The following CTTN variants were observed in gnomAD, a reference collection of about 807,000 sequenced individuals.
The protein encoded by CTTN is cortactin, also known as src substrate cortactin.
In CTTN, 28 loss-of-function variants were observed where a neutral mutation model predicts 84.0. That is an observed-to-expected ratio of 0.33 (90% CI 0.25 to 0.46). CTTN has a LOEUF of 0.46. Among genes scored for constraint, CTTN ranks in the 20% least tolerant of loss-of-function variants. CTTN has a pLI of 1.00. For missense variants in CTTN, 641 were observed against 723.8 expected (o/e 0.89, Z 1.31); for synonymous variants, 301 against 288.8 (o/e 1.04, Z -0.43).
intron 4 of CTTN, 45 bp downstream of exon 4, chr11:70,407,636 G>A: frequency 6.3e-7 from 1 of 1,583,716 alleles, no homozygotes; most frequent in Non-Finnish European, 8.6e-7. Context: ...CTCTGCGGAT[G>A]GAGCCCCAGG....
chr11:70,420,057 C>T (rs1352488865), intron 9 of CTTN: 2 of 608,032 alleles, frequency 3.3e-6, no homozygotes, highest in South Asian at 2.1e-5. Flanking sequence ...TATGGCGCTC[C>T]AGCCCCAGCG....
intron 13 of CTTN, among the ~76,000 whole-genome samples, chr11:70,426,650 T>C (rs2058304325): frequency 6.6e-6 from 1 of 150,430 alleles, no homozygotes; most frequent in Non-Finnish European, 1.5e-5. Context: ...TGGCGCGGAC[T>C]CGGCTCACTG....
Position 70,433,683 on chromosome 11 carries a change from G to A in CTTN, c.1481G>A (p.Gly494Glu), listed in dbSNP as rs574120746. ...TACGATGAGTACGAGAACGATCTGG[G>A]GATCACAGCCGTCGCCCTGTACGAC... ...STYDEYENDL[G>E]ITAVALYDYQ... The change falls in exon 17 of 18, where the codon GGG (glycine) becomes GAG (glutamate). Residue 494 changes from glycine to glutamate, a missense_variant. Coordinates refer to ENST00000301843, the MANE Select transcript of CTTN (RefSeq NM_005231.4). The A allele has an allele frequency of 2.0e-5, 32 of 1,613,934 alleles. 1 individual carries two copies. The South Asian group carries it at 3.5e-4, about 18-fold the overall frequency.
At chr11:70,400,486 C>A in intron 1 of CTTN, among the ~76,000 whole-genome samples, 1 of 152,042 alleles carries the variant, frequency 6.6e-6, no homozygotes, top group South Asian at 2.1e-4. Flanking sequence ...AGAGGCTCTT[C>A]ACAGGTGCCA....
chr11:70,425,767 G>A (rs2058293683), intron 13 of CTTN, among the ~76,000 whole-genome samples: 1 of 152,200 alleles, frequency 6.6e-6, no homozygotes, highest in Non-Finnish European at 1.5e-5. Context: ...GTGACAGGAG[G>A]AAGACATCAT....
intron 13 of CTTN, among the ~76,000 whole-genome samples, 161 bp from the exon 14 acceptor site, chr11:70,428,890 G>A (rs563034824): frequency 4.6e-5 from 7 of 152,314 alleles, no homozygotes; most frequent in South Asian, 2.1e-4. Context: ...TGCTGGCTCC[G>A]GACCAGTGGG....
chr11:70,425,861 T>C (rs2058294740), intron 13 of CTTN, among the ~76,000 whole-genome samples: 1 of 152,230 alleles, frequency 6.6e-6, no homozygotes, highest in Non-Finnish European at 1.5e-5. Context: ...CCTGTCCTTT[T>C]CTGTGCTGGA....
At chr11:70,424,375 G>T (rs1421718345) in intron 12 of CTTN, among the ~76,000 whole-genome samples, 1 of 152,158 alleles carries the variant, frequency 6.6e-6, no homozygotes, top group South Asian at 2.1e-4. Flanking sequence ...GAGGCAGTGT[G>T]TGGGTGTGGC....
At chr11:70,432,873 C>A (rs181359495) in intron 15 of CTTN, among the ~76,000 whole-genome samples, 127 of 152,226 alleles carry the variant, frequency 8.3e-4, no homozygotes, top group African/African-American at 3.0e-3. Context: ...ACTGGAGTGT[C>A]GGTGGTGAGG....
Position 70,435,381 on chromosome 11 carries a change from C to T in CTTN, c.*219C>T. On this transcript the variant is annotated 3_prime_UTR_variant, in exon 18 of 18. Transcript: ENST00000301843. ...AGAATTTGCTAATATATTGTAATCACATTCCTTAGGAGGACTTTGGTAATT... is the reference window on the plus strand; with the variant it reads ...AGAATTTGCTAATATATTGTAATCATATTCCTTAGGAGGACTTTGGTAATT... 1.4e-6 allele frequency: 2 copies of T among 1,456,830 alleles called. No homozygotes were observed. Among genetic ancestry groups the T allele is most frequent in the Non-Finnish European group, 1.8e-6 (2 of 1,110,158 alleles). The allele number at this position is 1,456,830 out of a possible 1,614,324, so 90.2% of individuals were successfully genotyped here. A position where few individuals can be genotyped will look rare whatever the true frequency, so the allele number is the denominator to read the frequency against.
chr11:70,416,530 C>G (rs2058163305), intron 7 of CTTN, among the ~76,000 whole-genome samples: 1 of 152,192 alleles, frequency 6.6e-6, no homozygotes, highest in Non-Finnish European at 1.5e-5. Flanking sequence ...CTCCTGGGTT[C>G]AAACGATTCT....
At chr11:70,401,242 G>A (rs967452324) in intron 1 of CTTN, among the ~76,000 whole-genome samples, 1 of 151,876 alleles carries the variant, frequency 6.6e-6, no homozygotes. Context: ...AGGCTGAGGT[G>A]GGCAGATCAC....
rs1403339245 is a variant in CTTN at position 70,425,454 on chromosome 11, A to C, written c.1027+53A>C. The C allele has an allele frequency of 3.6e-6, 5 of 1,392,670 alleles. No homozygotes were observed. The East Asian group carries it at 1.2e-4, about 32-fold the overall frequency. 86.3% of individuals were successfully genotyped at this position (1,392,670 alleles called of 1,614,324 possible). On this transcript the variant is annotated intron_variant, in intron 13 of 17. Transcript: ENST00000301843. ...CGTGTGGTTTCCCAGGAAAACACTG[A>C]GGGGAAGGACAGTTGTGAAACAGCC...
At chr11:70,414,507 G>C (rs1300599006) in intron 5 of CTTN, 35 bp from the exon 6 acceptor site, 1 of 1,480,658 alleles carries the variant, frequency 6.8e-7, no homozygotes, top group South Asian at 1.1e-5. Context: ...CAGTGTTGTT[G>C]GTGTCTAATG....
At chr11:70,434,402 C>T (rs1036154695) in intron 17 of CTTN, among the ~76,000 whole-genome samples, 2 of 152,280 alleles carry the variant, frequency 1.3e-5, no homozygotes, top group Admixed American at 6.5e-5. Flanking sequence ...TGGGATTCCC[C>T]TCAGAACCCC....
chr11:70,409,306 G>A (rs1180724710), intron 4 of CTTN, among the ~76,000 whole-genome samples: 1 of 152,116 alleles, frequency 6.6e-6, no homozygotes, highest in African/African-American at 2.4e-5. Context: ...ATTATCTGCT[G>A]TATTAAAATT....
chr11:70,404,877 C>G (rs1016613307), intron 1 of CTTN, among the ~76,000 whole-genome samples: 10 of 152,162 alleles, frequency 6.6e-5, no homozygotes, highest in Admixed American at 3.9e-4. Flanking sequence ...TGGCGCCTGC[C>G]TGTAATCCCA....
chr11:70,433,785 T>G, intron 17 of CTTN, 67 bp downstream of exon 17: 1 of 990,626 alleles, frequency 1.0e-6, no homozygotes, highest in Non-Finnish European at 1.6e-6. Context: ...GCTTGTTTTC[T>G]GAGAATTCAC....
rs901540574 is a variant in CTTN, at chr11:70,435,259, T to G, written c.*97T>G. ...GTGGTTTTGGGTTTTTTCTGTTTTT[T>G]TTTTTTTTTTTTTTTTTTTGAAGGT... On this transcript the variant is annotated 3_prime_UTR_variant, in exon 18 of 18. Transcript: ENST00000301843. 1.3e-5 allele frequency: 17 copies of G among 1,329,864 alleles called. No homozygotes were observed. Among genetic ancestry groups the G allele is most frequent in the Non-Finnish European group, 1.6e-5 (17 of 1,032,266 alleles). The allele number at this position is 1,329,864 out of a possible 1,614,324, so 82.4% of individuals were successfully genotyped here.
Sources: gnomAD v4.1 joint callset for allele counts (sites outside exome capture counted in the v4.1 genomes callset) on GRCh38, gnomAD v4.1.1 for gene constraint, MANE v1.5 for transcripts, NCBI Gene and HGNC (gene_info 2026-07-23, HGNC 2026-07-21) for gene names.